Variants in ELF2 observed in about 807,000 individuals in gnomAD.
The protein encoded by ELF2 is E74 like ETS transcription factor 2.
In ELF2, 11 loss-of-function variants were observed where a neutral mutation model predicts 54.8. The ratio of observed to expected loss-of-function variants is 0.20; its 90% CI spans 0.13 to 0.33. The LOEUF (loss-of-function observed/expected upper bound fraction) is 0.33. Ranked by LOEUF, ELF2 falls within the 10% of genes least tolerant of loss-of-function variation. The pLI, the probability that ELF2 is intolerant of heterozygous loss-of-function variation, is 1.00. For missense variants in ELF2, 513 were observed against 703.0 expected, an observed-to-expected ratio of 0.73 and a Z score of 3.06; for synonymous variants, 203 against 245.1, an observed-to-expected ratio of 0.83 and a Z score of 1.61.
In ELF2 at chr4:139,057,798, T is replaced by C. The variant is rs1404173077; in HGVS notation, c.*1185A>G. 1.3e-5 allele frequency: 2 copies of C among 152,518 alleles called. No homozygotes were observed. The highest frequency in any genetic ancestry group is 2.9e-5 in the Non-Finnish European group (2 of 68,016). The allele number at this position is 152,518 out of a possible 1,614,324, so 9.4% of individuals were successfully genotyped here. ...GAGAGATGTTTTATCACTTCCTAACTAAAACACTTCTATACTGACTTTTAA... is the reference window on the plus strand; with the variant it reads ...GAGAGATGTTTTATCACTTCCTAACCAAAACACTTCTATACTGACTTTTAA... On this transcript the variant is annotated 3_prime_UTR_variant, in exon 10 of 10. Transcript: ENST00000686138.
intron 4 of ELF2, among the ~76,000 whole-genome samples, chr4:139,122,678 T>C (rs1736505597): frequency 6.6e-6 from 1 of 151,808 alleles, no homozygotes; most frequent in African/African-American, 2.4e-5. Flanking sequence ...ATTTTTTGTA[T>C]TTTTAGTAGA....
rs906143687 is a variant in ELF2, at chr4:139,069,164, C to T, written c.527-1394G>A. On this transcript the variant is annotated intron_variant, in intron 6 of 9. Transcript: ENST00000686138. Reference sequence around the variant, plus strand: ...GATTACAGACACGAGCCACAGCACCCGGCCATATTTTAGGATCAAATATAT... The same window carrying T: ...GATTACAGACACGAGCCACAGCACCTGGCCATATTTTAGGATCAAATATAT... Among the ~76,000 whole-genome samples the T allele has an allele frequency of 9.2e-5, 14 of 152,064 alleles. No homozygotes were observed. The South Asian group carries it at 1.4e-3, about 16-fold the overall frequency.
At chr4:139,112,055 A>T (rs531059488) in intron 4 of ELF2, among the ~76,000 whole-genome samples, 4 of 152,246 alleles carry the variant, frequency 2.6e-5, no homozygotes, top group Non-Finnish European at 5.9e-5. Context: ...TGCCCTTTAG[A>T]CTTATCTGAT....
At chr4:139,060,274 G>A in intron 9 of ELF2, 50 bp downstream of exon 9, 1 of 1,454,538 alleles carries the variant, frequency 6.9e-7, no homozygotes, top group South Asian at 1.4e-5. Context: ...TCACCACGGA[G>A]ACTTTTTTAA....
At chr4:139,140,616 T>C (rs928042900) in intron 1 of ELF2, among the ~76,000 whole-genome samples, 1 of 152,054 alleles carries the variant, frequency 6.6e-6, no homozygotes, top group Non-Finnish European at 1.5e-5. Flanking sequence ...TAGCTGGGCC[T>C]GGTAGTGCAA....
intron 4 of ELF2, among the ~76,000 whole-genome samples, chr4:139,115,727 T>A (rs1173883347): frequency 6.6e-6 from 1 of 152,230 alleles, no homozygotes; most frequent in Admixed American, 6.5e-5. Context: ...AAGTTGATAG[T>A]CTCTTAAAAG....
intron 1 of ELF2, among the ~76,000 whole-genome samples, chr4:139,154,574 T>G (rs1165027416): frequency 1.3e-5 from 2 of 148,648 alleles, no homozygotes; most frequent in African/African-American, 5.0e-5. Flanking sequence ...GCTACAACAA[T>G]TAAAAAAAAA....
chr4:139,132,407 C>T (rs1737582227), intron 3 of ELF2, among the ~76,000 whole-genome samples: 1 of 152,116 alleles, frequency 6.6e-6, no homozygotes, highest in Admixed American at 6.6e-5. Flanking sequence ...AGAAAGTTCC[C>T]TCATACCTAA....
intron 1 of ELF2, among the ~76,000 whole-genome samples, chr4:139,158,931 G>A (rs775645845): frequency 1.5e-4 from 23 of 152,080 alleles, no homozygotes; most frequent in Non-Finnish European, 2.9e-4. Flanking sequence ...ATTGAGGACC[G>A]TAAGAGGTAC....
chr4:139,135,138 C>A (rs946358800), intron 3 of ELF2, among the ~76,000 whole-genome samples: 2 of 151,348 alleles, frequency 1.3e-5, no homozygotes, highest in African/African-American at 4.9e-5. Context: ...ATTTTTTCTT[C>A]AGGTTCTGGG....
At position 139,059,066 on chromosome 4, in the gene ELF2, G is replaced by A; in HGVS notation, c.1699C>T (p.His567Tyr). 1 of 1,613,946 alleles carries A rather than the reference G, an allele frequency of 6.2e-7. No individual in the cohort carries two copies. The highest frequency in any genetic ancestry group is 8.5e-7 in the Non-Finnish European group (1 of 1,179,854). Residue 567 changes from histidine (H) to tyrosine (Y), a missense_variant, in exon 10 of 10, where the codon CAC becomes TAC. Around this residue, in one of 3 missense-constraint regions of ELF2, gnomAD observed 291 missense variants for 366.1 expected, o/e 0.79. Coordinates refer to ENST00000686138, the MANE Select transcript of ELF2 (RefSeq NM_001331036.3). ...KPADGNKTVT[H>Y]VVVVSAPSAI... ...GAAGGCGCACTGACAACCACTACGT[G>A]GGTCACTGTCTTATTTCCATCTGCT...
intron 4 of ELF2, among the ~76,000 whole-genome samples, chr4:139,111,003 CTTA>C (rs903981517): frequency 6.6e-5 from 10 of 152,032 alleles, no homozygotes; most frequent in African/African-American, 2.2e-4. Flanking sequence ...GTAGTACATA[CTTA>C]TTAGTTGAAT....
Position 139,104,092 on chromosome 4 carries a change from GA to G in ELF2, c.238+21071del, listed in dbSNP as rs530027935. Among the ~76,000 whole-genome samples, 438 of 152,154 alleles carry G rather than the reference GA, an allele frequency of 2.9e-3. 1 individual carries two copies. The highest frequency in any genetic ancestry group is 0.01 in the African/African-American group (427 of 41,508). Reference sequence around the variant, plus strand: ...ACCAAACACTGACTTTAAACCAGGAGAAAACAGCATAGGACTTCTTTCATTT... The same window carrying G: ...ACCAAACACTGACTTTAAACCAGGAGAAACAGCATAGGACTTCTTTCATTT... On this transcript the variant is annotated intron_variant, in intron 4 of 9. Coordinates refer to ENST00000686138, the MANE Select transcript of ELF2 (RefSeq NM_001331036.3).
Position 139,137,729 on chromosome 4 carries a change from C to T in ELF2, c.-28G>A, listed in dbSNP as rs1375746818. ...TTATTCCCTGAGGAAGCTTCAAACG[C>T]TATTAATCAATGAAATTAAAGGTTC... On this transcript the variant is annotated 5_prime_UTR_variant, in exon 3 of 10. Transcript: ENST00000686138. The T allele has an allele frequency of 6.2e-7, 1 of 1,612,534 alleles. No homozygotes were observed. Among genetic ancestry groups the T allele is most frequent in the African/African-American group, 1.3e-5 (1 of 74,962 alleles).
At chr4:139,134,617 T>A (rs113529042) in intron 3 of ELF2, among the ~76,000 whole-genome samples, 1,754 of 29,284 alleles carry the variant, frequency 0.06, 28 homozygotes, top group African/African-American at 0.2. Context: ...TATTTTATTT[T>A]ATTTATTTTA....
At chr4:139,131,667 A>G (rs1190216301) in intron 3 of ELF2, among the ~76,000 whole-genome samples, 1 of 152,144 alleles carries the variant, frequency 6.6e-6, no homozygotes, top group Non-Finnish European at 1.5e-5. Flanking sequence ...GGGAGGACTC[A>G]TCTCCCCTAC....
intron 4 of ELF2, among the ~76,000 whole-genome samples, chr4:139,096,008 G>A (rs1264309605): frequency 6.6e-6 from 1 of 152,200 alleles, no homozygotes; most frequent in African/African-American, 2.4e-5. Context: ...CTACTCGGGA[G>A]GCTGAGGCAG....
chr4:139,117,494 G>C, intron 4 of ELF2, among the ~76,000 whole-genome samples: 1 of 151,656 alleles, frequency 6.6e-6, no homozygotes, highest in East Asian at 1.9e-4. Context: ...AGGAGTTCGA[G>C]ATCAGCCTGT....
intron 1 of ELF2, among the ~76,000 whole-genome samples, chr4:139,143,850 G>A (rs887745570): frequency 5.3e-5 from 8 of 151,978 alleles, no homozygotes; most frequent in Non-Finnish European, 1.2e-4. Context: ...TGTGGAAAGT[G>A]ACCACACATG....
Sources: gnomAD v4.1 joint callset for allele counts (sites outside exome capture counted in the v4.1 genomes callset) on GRCh38, gnomAD v4.1.1 for gene constraint, gnomAD v4.1.1 regional missense constraint, MANE v1.5 for transcripts, NCBI Gene and HGNC (gene_info 2026-07-23, HGNC 2026-07-21) for gene names.